The following MANBAL variants were observed in gnomAD, a reference collection of about 807,000 sequenced individuals.
The protein encoded by MANBAL is mannosidase beta like.
A neutral mutation model predicts 6.4 loss-of-function variants in MANBAL; 1 was observed. The ratio of observed to expected loss-of-function variants is 0.16; its 90% CI spans 0.06 to 0.74. The LOEUF (loss-of-function observed/expected upper bound fraction) is 0.74. Ranked by LOEUF, MANBAL falls within the 30% of genes least tolerant of loss-of-function variation. The pLI, the probability that MANBAL is intolerant of heterozygous loss-of-function variation, is 0.78. For synonymous variants in MANBAL, 47 were observed against 45.8 expected, an observed-to-expected ratio of 1.03 and a Z score of -0.10; for missense variants, 100 against 107.8, an observed-to-expected ratio of 0.93 and a Z score of 0.32.
At chr20:37,304,417 T>G (rs754794021) in intron 2 of MANBAL, among the ~76,000 whole-genome samples, 12 of 152,222 alleles carry the variant, frequency 7.9e-5, no homozygotes, top group Non-Finnish European at 1.5e-4. Context: ...ATTCCCTTCC[T>G]TCCCACATAG....
Position 37,301,303 on chromosome 20 carries a change from G to C in MANBAL, c.40G>C (p.Glu14Gln). 1 of 1,611,446 alleles carries C rather than the reference G, an allele frequency of 6.2e-7. No homozygotes were observed. Among genetic ancestry groups the C allele is most frequent in the African/African-American group, 1.3e-5 (1 of 74,972 alleles). Residue 14 changes from glutamate (E) to glutamine (Q), a missense_variant, in exon 2 of 3, where the codon GAG becomes CAG. Glu to Gln is a conservative substitution (Grantham distance 29). Transcript: ENST00000373606. ...AGACTTCTCACCTCCGGAGGTGCCC[G>C]AGCCCACTTTCCTGGAGAACCTGCT... ...DLDFSPPEVP[E>Q]PTFLENLLRY...
chr20:37,311,956 C>T (rs2069398878), intron 2 of MANBAL, among the ~76,000 whole-genome samples: 1 of 152,136 alleles, frequency 6.6e-6, no homozygotes, highest in Non-Finnish European at 1.5e-5. Flanking sequence ...CCAGAGGGGA[C>T]TGGCTGGGTC....
intron 2 of MANBAL, among the ~76,000 whole-genome samples, chr20:37,315,272 A>T (rs2069482895): frequency 6.6e-6 from 1 of 152,210 alleles, no homozygotes; most frequent in African/African-American, 2.4e-5. Flanking sequence ...GGCCAGATGA[A>T]GTCTGTGGCC....
intron 2 of MANBAL, among the ~76,000 whole-genome samples, chr20:37,309,322 CCT>C (rs1233266324): frequency 3.9e-5 from 6 of 152,168 alleles, no homozygotes; most frequent in Admixed American, 3.3e-4. Context: ...TCATGGAAGG[CCT>C]CTCCTTGGCC....
At chr20:37,294,899 T>C (rs2068957979) in intron 1 of MANBAL, among the ~76,000 whole-genome samples, 4 of 152,344 alleles carry the variant, frequency 2.6e-5, no homozygotes, top group Middle Eastern at 6.8e-3. Flanking sequence ...ACGTCACCAG[T>C]GTCTGGCATT....
At chr20:37,297,422 C>G (rs1188516591) in intron 1 of MANBAL, 2 of 152,130 alleles carry the variant, frequency 1.3e-5, no homozygotes, top group African/African-American at 4.8e-5. Context: ...GAGCCTCAAG[C>G]TTTGAAGGCC....
chr20:37,311,201 C>T (rs923273353), intron 2 of MANBAL, among the ~76,000 whole-genome samples: 4 of 152,216 alleles, frequency 2.6e-5, no homozygotes, highest in African/African-American at 4.8e-5. Flanking sequence ...CTTCATTCCC[C>T]GTGGCACAGT....
At chr20:37,307,412 A>G (rs1763420206) in intron 2 of MANBAL, among the ~76,000 whole-genome samples, 1 of 152,220 alleles carries the variant, frequency 6.6e-6, no homozygotes, top group South Asian at 2.1e-4. Flanking sequence ...AATAATAGCA[A>G]AATGTTCCGT....
chr20:37,295,407 T>A (rs2068971102), intron 1 of MANBAL, among the ~76,000 whole-genome samples: 1 of 152,238 alleles, frequency 6.6e-6, no homozygotes, highest in Non-Finnish European at 1.5e-5. Context: ...AGATGGATGT[T>A]GAAAAAGCTT....
At chr20:37,307,756 C>CA (rs57668746) in intron 2 of MANBAL, among the ~76,000 whole-genome samples, 3,044 of 101,738 alleles carry the variant, frequency 0.03, 55 homozygotes, top group African/African-American at 0.07. Context: ...GACTCCATCT[C>CA]AAAAAAAAAA....
intron 2 of MANBAL, chr20:37,302,391 GGC>G: frequency 6.5e-7 from 1 of 1,528,526 alleles, no homozygotes; most frequent in Non-Finnish European, 8.9e-7. Context: ...GGTGGTGTCT[GGC>G]TGCTGCACAT....
At chr20:37,311,973 C>T (rs963378647) in intron 2 of MANBAL, among the ~76,000 whole-genome samples, 1 of 152,048 alleles carries the variant, frequency 6.6e-6, no homozygotes, top group Non-Finnish European at 1.5e-5. Context: ...GGTCTAGAGC[C>T]CGTTGGAAAG....
chr20:37,299,507 T>G (rs1372032224), intron 1 of MANBAL, among the ~76,000 whole-genome samples: 1 of 152,236 alleles, frequency 6.6e-6, no homozygotes, highest in Non-Finnish European at 1.5e-5. Flanking sequence ...GTCTTAATAG[T>G]CATGTGTGGC....
intron 2 of MANBAL, 133 bp from the exon 3 acceptor site, chr20:37,316,175 G>A: frequency 2.5e-6 from 2 of 795,932 alleles, no homozygotes; most frequent in South Asian, 1.6e-5. Flanking sequence ...CGTGTGGGTG[G>A]TAGGTCCCGG....
chr20:37,307,107 G>A (rs1300699723), intron 2 of MANBAL, among the ~76,000 whole-genome samples: 1 of 152,100 alleles, frequency 6.6e-6, no homozygotes, highest in Non-Finnish European at 1.5e-5. Flanking sequence ...GACTACAGGT[G>A]TGCTCCACCA....
chr20:37,301,362 G>C lies in MANBAL; in HGVS notation c.99G>C (p.Gln33His), dbSNP rs767574461. The C allele has an allele frequency of 6.2e-7, 1 of 1,613,824 alleles. No homozygotes were observed. The highest frequency in any genetic ancestry group is 8.5e-7 in the Non-Finnish European group (1 of 1,179,836). ...GACTCTTCCTGGGAGCCATCTTCCA[G>C]CTCATCTGTGTGCTGGCCATCATCG... Reference protein sequence around the residue: ...RYGLFLGAIFQLICVLAIIVP... With the variant: ...RYGLFLGAIFHLICVLAIIVP... The change falls in exon 2 of 3, where the codon CAG becomes CAC. Residue 33 changes from glutamine (Q) to histidine (H), a missense_variant. By Grantham distance (24) the Gln-to-His change is conservative. Transcript: ENST00000373606.
chr20:37,292,016 A>G (rs2068882647), intron 1 of MANBAL, among the ~76,000 whole-genome samples: 1 of 152,252 alleles, frequency 6.6e-6, no homozygotes, highest in Non-Finnish European at 1.5e-5. Flanking sequence ...TCAAGGGTAC[A>G]TACTATCGAT....
intron 2 of MANBAL, among the ~76,000 whole-genome samples, chr20:37,311,471 T>A (rs1481713589): frequency 2.0e-5 from 3 of 152,310 alleles, no homozygotes; most frequent in South Asian, 4.1e-4. Context: ...TTGTTTTTTT[T>A]ATTTGTTTGT....
rs80184402 is a variant in MANBAL, at chr20:37,307,968, C to T, written c.150+6555C>T. Reference sequence around the variant, plus strand: ...AAGAGCAGGAGCGCCGCAGGGCCTCCGGAAGTGGTGGGAACTGGGACTTAC... The same window carrying T: ...AAGAGCAGGAGCGCCGCAGGGCCTCTGGAAGTGGTGGGAACTGGGACTTAC... On this transcript the variant is annotated intron_variant, in intron 2 of 2. Transcript: ENST00000373606. Among the ~76,000 whole-genome samples the T allele has an allele frequency of 4.4e-3, 675 of 152,220 alleles. 7 individuals carry two copies. Among genetic ancestry groups the T allele is most frequent in the African/African-American group, 0.015 (627 of 41,544 alleles).
Sources: gnomAD v4.1 joint callset for allele counts (sites outside exome capture counted in the v4.1 genomes callset) on GRCh38, gnomAD v4.1.1 for gene constraint, MANE v1.5 for transcripts, NCBI Gene and HGNC (gene_info 2026-07-23, HGNC 2026-07-21) for gene names.